The following FBXO36 variants were observed in gnomAD, a reference collection of about 807,000 sequenced individuals.
The protein encoded by FBXO36 is F-box protein 36, also known as F-box only protein 36.
A neutral mutation model predicts 17.0 loss-of-function variants in FBXO36; 18 were observed. That is an observed-to-expected ratio of 1.06 (90% CI 0.73 to 1.57). FBXO36 has a LOEUF of 1.57. Among genes scored for constraint, FBXO36 ranks in the 40% most tolerant of loss-of-function variants. The probability of loss-of-function intolerance (pLI) is 0.00; values close to 1 mark genes in which losing one functional copy is unlikely to be tolerated. For missense variants in FBXO36, 229 were observed against 221.9 expected (o/e 1.03, Z -0.20); for synonymous variants, 83 against 85.3 (o/e 0.97, Z 0.15).
chr2:229,958,366 G>A (rs1397524648), intron 1 of FBXO36, among the ~76,000 whole-genome samples: 1 of 150,336 alleles, frequency 6.7e-6, no homozygotes, highest in South Asian at 2.1e-4. Flanking sequence ...CACCTCCTGG[G>A]TTCAAGCAAT....
chr2:229,936,186 A>G (rs945889984), intron 1 of FBXO36, among the ~76,000 whole-genome samples: 60 of 152,158 alleles, frequency 3.9e-4, no homozygotes, highest in African/African-American at 1.4e-3. Flanking sequence ...ACTCCGTCTC[A>G]AAAAACAAAC....
At chr2:229,985,146 T>G (rs546924120) in intron 2 of FBXO36, among the ~76,000 whole-genome samples, 1 of 152,334 alleles carries the variant, frequency 6.6e-6, no homozygotes, top group South Asian at 2.1e-4. Flanking sequence ...ACTTTATAAT[T>G]ATGCTACTCT....
intron 2 of FBXO36, among the ~76,000 whole-genome samples, chr2:229,993,666 A>G (rs1413875960): frequency 6.6e-6 from 1 of 152,156 alleles, no homozygotes; most frequent in Non-Finnish European, 1.5e-5. Context: ...AAATACCAAA[A>G]AAGCAAGAGT....
chr2:230,004,256 GTC>G (rs1357396013), intron 3 of FBXO36, among the ~76,000 whole-genome samples: 2 of 152,036 alleles, frequency 1.3e-5, no homozygotes, highest in African/African-American at 4.8e-5. Flanking sequence ...CCCTTGACTT[GTC>G]TCTCTGCCAA....
chr2:229,984,700 T>G (rs1035017112), intron 2 of FBXO36, among the ~76,000 whole-genome samples: 2 of 152,092 alleles, frequency 1.3e-5, no homozygotes, highest in Non-Finnish European at 1.5e-5. Flanking sequence ...ATCTTTAGGT[T>G]TTTAACTTGT....
At chr2:229,966,965 C>T (rs1366072296) in intron 1 of FBXO36, among the ~76,000 whole-genome samples, 1 of 152,136 alleles carries the variant, frequency 6.6e-6, no homozygotes, top group Non-Finnish European at 1.5e-5. Flanking sequence ...TATAAATTAC[C>T]TTGGGCAGTA....
At chr2:229,939,515 G>A (rs931889162) in intron 1 of FBXO36, among the ~76,000 whole-genome samples, 1 of 152,070 alleles carries the variant, frequency 6.6e-6, no homozygotes, top group Non-Finnish European at 1.5e-5. Flanking sequence ...GGAGGCTGAG[G>A]CAGGAGAATC....
intron 2 of FBXO36, among the ~76,000 whole-genome samples, chr2:229,993,157 C>T (rs1473174104): frequency 1.3e-5 from 2 of 152,060 alleles, no homozygotes; most frequent in Admixed American, 6.6e-5. Context: ...TGTTGATTTG[C>T]CATATTTTGA....
At chr2:229,939,457 A>G (rs1577330113) in intron 1 of FBXO36, among the ~76,000 whole-genome samples, 1 of 152,126 alleles carries the variant, frequency 6.6e-6, no homozygotes, top group East Asian at 1.9e-4. Flanking sequence ...TACAAAAAAA[A>G]AAAATTAGCC....
At chr2:229,973,690 C>T (rs982319161) in intron 1 of FBXO36, among the ~76,000 whole-genome samples, 26 of 149,510 alleles carry the variant, frequency 1.7e-4, no homozygotes, top group Admixed American at 6.7e-4. Flanking sequence ...CACTGCACTC[C>T]AGCCTAGGGA....
At chr2:229,984,117 A>G (rs2077254832) in intron 2 of FBXO36, among the ~76,000 whole-genome samples, 1 of 152,108 alleles carries the variant, frequency 6.6e-6, no homozygotes, top group Non-Finnish European at 1.5e-5. Flanking sequence ...TGGGAGGCCG[A>G]GGCGGGTGGA....
intron 2 of FBXO36, among the ~76,000 whole-genome samples, chr2:229,994,211 TTTC>T (rs1024540596): frequency 2.6e-5 from 4 of 152,154 alleles, no homozygotes; most frequent in South Asian, 2.1e-4. Flanking sequence ...AGCACTGCTT[TTTC>T]TTCTTCTTCT....
chr2:229,992,732 A>G (rs183971176), intron 2 of FBXO36, among the ~76,000 whole-genome samples: 1 of 152,292 alleles, frequency 6.6e-6, no homozygotes, highest in Non-Finnish European at 1.5e-5. Context: ...ATTATCTCAA[A>G]CAGTTCCAGT....
chr2:230,012,694 T>C lies in FBXO36; in HGVS notation c.*1810T>C, dbSNP rs890791755. 10 of 151,822 alleles carry C rather than the reference T, an allele frequency of 6.6e-5. No homozygotes were observed. Among genetic ancestry groups the C allele is most frequent in the African/African-American group, 2.2e-4 (9 of 41,418 alleles). 9.4% of individuals were successfully genotyped at this position (151,822 alleles called of 1,614,324 possible). A position where few individuals can be genotyped will look rare whatever the true frequency, so the allele number is the denominator to read the frequency against. On this transcript the variant is annotated 3_prime_UTR_variant, in exon 4 of 4. Transcript: ENST00000283946. ...ACTTCACTCATGGCCTAATTTTCAA[T>C]GACAGAACGTAGGTTTTATCGTGAG...
chr2:229,940,022 G>A (rs2076989903), intron 1 of FBXO36, among the ~76,000 whole-genome samples: 1 of 152,020 alleles, frequency 6.6e-6, no homozygotes, highest in African/African-American at 2.4e-5. Context: ...CCAGGGTACA[G>A]TGTACCGGGA....
chr2:229,993,480 G>C (rs1428658322), intron 2 of FBXO36, among the ~76,000 whole-genome samples: 2 of 152,130 alleles, frequency 1.3e-5, no homozygotes, highest in Admixed American at 1.3e-4. Context: ...GCCCTATTCA[G>C]TGTGGGATGG....
At chr2:230,008,060 G>A (rs2077396170) in intron 3 of FBXO36, among the ~76,000 whole-genome samples, 1 of 152,128 alleles carries the variant, frequency 6.6e-6, no homozygotes, top group Non-Finnish European at 1.5e-5. Context: ...CGATATTAAG[G>A]TTGTACAGAT....
At chr2:229,927,711 A>G (rs1012015091) in intron 1 of FBXO36, among the ~76,000 whole-genome samples, 1 of 151,742 alleles carries the variant, frequency 6.6e-6, no homozygotes, top group African/African-American at 2.4e-5. Context: ...TCTAAATCCT[A>G]TCCAAAGCTC....
At chr2:230,001,015 T>C (rs1289734268) in intron 3 of FBXO36, among the ~76,000 whole-genome samples, 1 of 151,900 alleles carries the variant, frequency 6.6e-6, no homozygotes, top group African/African-American at 2.4e-5. Flanking sequence ...CTTGCCACCA[T>C]GCCTGGCTAA....
Sources: gnomAD v4.1 joint callset for allele counts (sites outside exome capture counted in the v4.1 genomes callset) on GRCh38, gnomAD v4.1.1 for gene constraint, MANE v1.5 for transcripts, NCBI Gene and HGNC (gene_info 2026-07-23, HGNC 2026-07-21) for gene names.